The following MSH3 variants were observed in gnomAD, a reference collection of about 807,000 sequenced individuals.
MSH3 encodes mutS homolog 3, also known as DNA mismatch repair protein Msh3.
In MSH3, 106 loss-of-function variants were observed where a neutral mutation model predicts 123.3. That is an observed-to-expected ratio of 0.86 (90% CI 0.73 to 1.01). The LOEUF is 1.01. MSH3 is among the 50% of genes least tolerant of loss of function. The probability of loss-of-function intolerance (pLI) is 0.00; values close to 1 mark genes in which losing one functional copy is unlikely to be tolerated. For synonymous variants in MSH3, 515 were observed against 481.4 expected (o/e 1.07, Z -0.91); for missense variants, 1,459 against 1,347.6 (o/e 1.08, Z -1.29).
intron 19 of MSH3, among the ~76,000 whole-genome samples, chr5:80,807,557 A>C (rs1744913803): frequency 6.6e-6 from 1 of 152,248 alleles, no homozygotes; most frequent in African/African-American, 2.4e-5. Context: ...CATGCAGCTC[A>C]AAAACGAGTA....
intron 16 of MSH3, among the ~76,000 whole-genome samples, chr5:80,776,286 T>C (rs1051216690): frequency 2.0e-5 from 3 of 152,214 alleles, no homozygotes; most frequent in African/African-American, 7.2e-5. Context: ...TTTTTACACA[T>C]TTATTTTCTT....
intron 19 of MSH3, among the ~76,000 whole-genome samples, chr5:80,810,459 G>C (rs1343329621): frequency 6.6e-6 from 1 of 151,970 alleles, no homozygotes. Flanking sequence ...AAGAGGAATT[G>C]CTGGGTCATC....
chr5:80,709,348 G>C (rs902786236), intron 8 of MSH3, among the ~76,000 whole-genome samples: 2 of 152,100 alleles, frequency 1.3e-5, no homozygotes, highest in Admixed American at 1.3e-4. Context: ...GGCCGGGTGC[G>C]GTGGTGGCTT....
intron 8 of MSH3, among the ~76,000 whole-genome samples, chr5:80,717,786 C>T (rs570186181): frequency 6.6e-4 from 100 of 151,780 alleles, no homozygotes; most frequent in African/African-American, 2.4e-3. Context: ...CATATATTGG[C>T]CATTCTTTCA....
At chr5:80,802,590 C>A (rs1744808401) in intron 19 of MSH3, among the ~76,000 whole-genome samples, 1 of 151,992 alleles carries the variant, frequency 6.6e-6, no homozygotes, top group South Asian at 2.1e-4. Context: ...TCCAGTTATA[C>A]TCTTAGTTAT....
At chr5:80,852,525 C>G (rs1745847556) in intron 20 of MSH3, among the ~76,000 whole-genome samples, 1 of 152,152 alleles carries the variant, frequency 6.6e-6, no homozygotes, top group Non-Finnish European at 1.5e-5. Context: ...CTGAAGCATT[C>G]TAAGTGGTTT....
At chr5:80,710,820 G>A (rs1381220753) in intron 8 of MSH3, among the ~76,000 whole-genome samples, 2 of 152,154 alleles carry the variant, frequency 1.3e-5, no homozygotes, top group Non-Finnish European at 2.9e-5. Context: ...ACCAAGAGCT[G>A]GACGATGATG....
chr5:80,685,555 T>C (rs1272668341), intron 8 of MSH3, among the ~76,000 whole-genome samples: 1 of 152,098 alleles, frequency 6.6e-6, no homozygotes, highest in Admixed American at 6.5e-5. Context: ...GGGGTTTCTC[T>C]CTTTTTTCAC....
chr5:80,761,007 G>C (rs1744022178), intron 12 of MSH3, among the ~76,000 whole-genome samples: 1 of 152,106 alleles, frequency 6.6e-6, no homozygotes, highest in African/African-American at 2.4e-5. Flanking sequence ...TATGATACCT[G>C]CTCTTTGATT....
intron 13 of MSH3, among the ~76,000 whole-genome samples, chr5:80,765,434 A>G (rs574940137): frequency 6.6e-6 from 1 of 152,126 alleles, no homozygotes; most frequent in Non-Finnish European, 1.5e-5. Context: ...CTCATGATAC[A>G]CTTAGAATTC....
intron 10 of MSH3, among the ~76,000 whole-genome samples, chr5:80,729,602 T>G (rs918564824): frequency 1.3e-5 from 2 of 151,980 alleles, no homozygotes; most frequent in Non-Finnish European, 2.9e-5. Flanking sequence ...TCATAAAAAT[T>G]TACCACCTTT....
At chr5:80,659,628 T>C (rs1749382791) in intron 2 of MSH3, among the ~76,000 whole-genome samples, 1 of 152,200 alleles carries the variant, frequency 6.6e-6, no homozygotes, top group Non-Finnish European at 1.5e-5. Flanking sequence ...TGGTAAAATA[T>C]ACATAACATA....
intron 8 of MSH3, among the ~76,000 whole-genome samples, chr5:80,704,252 C>A (rs1459449117): frequency 6.6e-6 from 1 of 152,148 alleles, no homozygotes; most frequent in African/African-American, 2.4e-5. Context: ...CCTTACTGTC[C>A]GTCCCTGCTC....
intron 14 of MSH3, 44 bp from the exon 15 acceptor site, chr5:80,768,791 A>G (rs1381518090): frequency 2.7e-6 from 4 of 1,495,942 alleles, no homozygotes; most frequent in Non-Finnish European, 3.7e-6. Context: ...AACTGCTGTA[A>G]TTAATAAACT....
At chr5:80,853,944 A>G (rs532935857) in intron 20 of MSH3, among the ~76,000 whole-genome samples, 186 bp from the exon 21 acceptor site, 4 of 152,364 alleles carry the variant, frequency 2.6e-5, no homozygotes, top group South Asian at 4.1e-4. Flanking sequence ...CCTACAAAGT[A>G]CAGTATGATG....
intron 2 of MSH3, 129 bp from the exon 3 acceptor site, chr5:80,665,014 A>G: frequency 1.5e-6 from 1 of 689,422 alleles, no homozygotes; most frequent in Non-Finnish European, 2.4e-6. Context: ...TTTTAAAAAA[A>G]TCACATTATA....
chr5:80,686,481 T>C (rs748853885), intron 8 of MSH3, among the ~76,000 whole-genome samples: 13 of 151,900 alleles, frequency 8.6e-5, no homozygotes, highest in African/African-American at 1.2e-4. Context: ...TTTTTTTGTA[T>C]TTTAGTAGAG....
intron 20 of MSH3, among the ~76,000 whole-genome samples, chr5:80,837,459 G>T (rs1177634662): frequency 1.3e-5 from 2 of 152,032 alleles, no homozygotes; most frequent in Non-Finnish European, 2.9e-5. Flanking sequence ...CACGCCTGTG[G>T]TCCCAGCTAC....
At chr5:80,822,408 A>G (rs541620460) in intron 20 of MSH3, among the ~76,000 whole-genome samples, 4 of 152,334 alleles carry the variant, frequency 2.6e-5, no homozygotes, top group South Asian at 2.1e-4. Flanking sequence ...TGCCAGACAC[A>G]TTGTAGGTAC....
Sources: gnomAD v4.1 joint callset for allele counts (sites outside exome capture counted in the v4.1 genomes callset) on GRCh38, gnomAD v4.1.1 for gene constraint, MANE v1.5 for transcripts, NCBI Gene and HGNC (gene_info 2026-07-23, HGNC 2026-07-21) for gene names.